The following TRPA1 variants were observed in gnomAD, a reference collection of about 807,000 sequenced individuals.
TRPA1 encodes ankyrin-like with transmembrane domains 1.
A neutral mutation model predicts 131.3 loss-of-function variants in TRPA1; 129 were observed. That is an observed-to-expected ratio of 0.98 (90% CI 0.85 to 1.14). TRPA1 has a LOEUF of 1.14. Ranked by LOEUF, TRPA1 falls within the 50% of genes most tolerant of loss-of-function variation. The pLI, the probability that TRPA1 is intolerant of heterozygous loss-of-function variation, is 0.00. For missense variants in TRPA1, 1,304 were observed against 1,354.2 expected (o/e 0.96, Z 0.58); for synonymous variants, 441 against 451.7 (o/e 0.98, Z 0.30).
intron 20 of TRPA1, among the ~76,000 whole-genome samples, chr8:72,036,670 C>T (rs1812064510): frequency 6.6e-6 from 1 of 152,150 alleles, no homozygotes; most frequent in Admixed American, 6.5e-5. Context: ...CTCTGTTAAC[C>T]TGGTGTTATG....
In TRPA1 at chr8:72,065,570, G is replaced by T. The variant is rs1805912577; in HGVS notation, c.445-12C>A. On this transcript the variant is annotated splice_polypyrimidine_tract_variant and intron_variant, in intron 3 of 26. Coordinates refer to ENST00000262209, the MANE Select transcript of TRPA1 (RefSeq NM_007332.3). ...TGCTCAAGCAAGACCTAAAAAAAGG[G>T]GAGAATAATTGTCAAAATTTTTGCA... 6.2e-7 allele frequency: 1 copy of T among 1,608,000 alleles called. No individual in the cohort carries two copies. The highest frequency in any genetic ancestry group is 2.2e-5 in the East Asian group (1 of 44,692).
upstream of TRPA1, among the ~76,000 whole-genome samples, chr8:72,079,811 T>A (rs1806255658): frequency 6.6e-6 from 1 of 151,946 alleles, no homozygotes; most frequent in Admixed American, 6.6e-5. Flanking sequence ...ATTTTCAGTT[T>A]ATATATATCT....
At chr8:72,085,975 A>C in the TRPA1 span, among the ~76,000 whole-genome samples, 1 of 152,122 alleles carries the variant, frequency 6.6e-6, no homozygotes, top group Non-Finnish European at 1.5e-5. Flanking sequence ...ATCTTGGCTC[A>C]CCGCAACCTC....
At chr8:72,065,587 A>T in intron 3 of TRPA1, 29 bp from the exon 4 acceptor site, 1 of 1,583,162 alleles carries the variant, frequency 6.3e-7, no homozygotes, top group Non-Finnish European at 8.7e-7. Flanking sequence ...AATTGTCAAA[A>T]TTTTTGCAGA....
chr8:72,083,983 T>C, the TRPA1 span, among the ~76,000 whole-genome samples: 1 of 152,196 alleles, frequency 6.6e-6, no homozygotes, highest in African/African-American at 2.4e-5. Flanking sequence ...TGGGTACTAG[T>C]TAAAAAAGCT....
In TRPA1 at chr8:72,036,295, G is replaced by A; in HGVS notation, c.2548C>T (p.Leu850Phe). The change falls in exon 21 of 27, where the codon CTT becomes TTT. Residue 850 changes from leucine to phenylalanine, a missense_variant. Coordinates refer to ENST00000262209, the MANE Select transcript of TRPA1 (RefSeq NM_007332.3). ...AATTCAAGCTTGTTTTACCTTTGAA[G>A]ATACAATAAGAAATTCATCCAATAG... ...YFYWMNFLLY[L>F]QRFENCGIFI... 1.2e-6 allele frequency: 2 copies of A among 1,613,956 alleles called. No homozygotes were observed. Among genetic ancestry groups the A allele is most frequent in the Non-Finnish European group, 1.7e-6 (2 of 1,179,926 alleles).
Position 72,056,909 on chromosome 8 carries a change from T to C in TRPA1, c.1194+8A>G, listed in dbSNP as rs199705186. The C allele has an allele frequency of 5.0e-5, 80 of 1,593,852 alleles. No individual in the cohort carries two copies. In the African/African-American group the frequency reaches 6.7e-4, roughly 13 times the overall value. On this transcript the variant is annotated splice_region_variant and intron_variant, in intron 10 of 26. Transcript: ENST00000262209. ...CTCAGTTAATGGCAATCCACAGATA[T>C]ACATTACCTGCATAAATTCAGGTCG... is the stretch of plus-strand genomic sequence containing the variant.
chr8:72,047,441 C>T (rs1805363522), intron 15 of TRPA1, among the ~76,000 whole-genome samples: 1 of 152,064 alleles, frequency 6.6e-6, no homozygotes, highest in Non-Finnish European at 1.5e-5. Flanking sequence ...ATACCATGTA[C>T]TTGAGAATAA....
At chr8:72,075,191 T>C (rs1806145117) in intron 1 of TRPA1, 108 bp downstream of exon 1, 1 of 861,690 alleles carries the variant, frequency 1.2e-6, no homozygotes, top group Middle Eastern at 2.2e-4. Context: ...ACCCCAAAGC[T>C]TGCAACCCCC....
At chr8:72,064,397 G>A (rs1280557300) in intron 4 of TRPA1, among the ~76,000 whole-genome samples, 3 of 151,740 alleles carry the variant, frequency 2.0e-5, no homozygotes, top group African/African-American at 7.3e-5. Context: ...AAACTTGCAA[G>A]GAAACCAGAC....
At chr8:72,083,630 C>A in the TRPA1 span, among the ~76,000 whole-genome samples, 4 of 151,804 alleles carry the variant, frequency 2.6e-5, no homozygotes, top group African/African-American at 9.7e-5. Context: ...GTAGTCCCAG[C>A]TACTCGGGAG....
At chr8:72,034,177 T>C in intron 22 of TRPA1, 71 bp downstream of exon 22, 1 of 1,411,470 alleles carries the variant, frequency 7.1e-7, no homozygotes, top group Non-Finnish European at 9.7e-7. Flanking sequence ...CTAGACTATT[T>C]AGATTTAAAT....
In TRPA1 at chr8:72,052,710, A is replaced by C; in HGVS notation, c.1700T>G (p.Leu567Arg). ...GACTATGTCAGCATTGTGGCTCAGA[A>C]GAAGCGCAACGGCTTTGGCGTGGCC... The part of the protein sequence containing the change: ...REGHAKAVAL[L>R]LSHNADIVLN... Residue 567 changes from leucine (L) to arginine (R), a missense_variant, in exon 14 of 27, where the codon CTT becomes CGT. Leu to Arg is a moderately radical substitution (Grantham distance 102). Coordinates refer to ENST00000262209, the MANE Select transcript of TRPA1 (RefSeq NM_007332.3). 1 of 1,613,886 alleles carries C rather than the reference A, an allele frequency of 6.2e-7. No homozygotes were observed. The highest frequency in any genetic ancestry group is 8.5e-7 in the Non-Finnish European group (1 of 1,179,878).
At chr8:72,066,973 T>G (rs745377222) in intron 3 of TRPA1, among the ~76,000 whole-genome samples, 1 of 152,196 alleles carries the variant, frequency 6.6e-6, no homozygotes, top group Non-Finnish European at 1.5e-5. Flanking sequence ...TAGTTTGAAT[T>G]AAAGCCCCAA....
In TRPA1 at chr8:72,022,181, A is replaced by C. The variant is rs1442459367; in HGVS notation, c.*725T>G. On this transcript the variant is annotated 3_prime_UTR_variant, in exon 27 of 27. Coordinates refer to ENST00000262209, the MANE Select transcript of TRPA1 (RefSeq NM_007332.3). ...GTTTTCAAATCTCAAACAAAGGCTC[A>C]TACAATAATCACAGGGATACTATAT... 1 of 152,444 alleles carries C rather than the reference A, an allele frequency of 6.6e-6. No homozygotes were observed. The highest frequency in any genetic ancestry group is 6.5e-5 in the Admixed American group (1 of 15,298). 9.4% of individuals were successfully genotyped at this position (152,444 alleles called of 1,614,324 possible).
At chr8:72,068,862 T>G (rs1805989218) in intron 3 of TRPA1, among the ~76,000 whole-genome samples, 161 bp downstream of exon 3, 1 of 152,218 alleles carries the variant, frequency 6.6e-6, no homozygotes, top group Non-Finnish European at 1.5e-5. Flanking sequence ...ATCATCATCA[T>G]CATCATTAGT....
At chr8:72,062,701 G>T in intron 6 of TRPA1, 98 bp downstream of exon 6, 2 of 1,180,048 alleles carry the variant, frequency 1.7e-6, no homozygotes, top group Non-Finnish European at 1.3e-6. Context: ...TTTCTTGTAT[G>T]TATTTCAATC....
chr8:72,050,178 G>C (rs994280044), intron 15 of TRPA1, among the ~76,000 whole-genome samples: 25 of 152,028 alleles, frequency 1.6e-4, no homozygotes, highest in African/African-American at 5.6e-4. Context: ...CCACCTATGA[G>C]TGAGAACATG....
chr8:72,063,551 T>C lies in TRPA1; in HGVS notation c.573A>G (p.Pro191=). The change falls in exon 5 of 27, where the codon CCA becomes CCG. Residue 191 remains proline (P), a synonymous_variant. Coordinates refer to ENST00000262209, the MANE Select transcript of TRPA1 (RefSeq NM_007332.3). ...AACATCCCCATTTATTTGATTTACA[T>C]GGCTTAGCTCCTTTTTTAAGCTGGA... The part of the protein sequence containing the change: ...LQILLKKGAK[P]CKSNKWGCFP... 1 of 1,613,524 alleles carries C rather than the reference T, an allele frequency of 6.2e-7. No individual in the cohort carries two copies. The highest frequency in any genetic ancestry group is 8.5e-7 in the Non-Finnish European group (1 of 1,179,596).
Sources: allele counts gnomAD v4.1 joint callset (sites outside exome capture counted in the v4.1 genomes callset), GRCh38; gene constraint gnomAD v4.1.1; transcripts MANE v1.5; gene names NCBI Gene and HGNC (gene_info 2026-07-23, HGNC 2026-07-21).